DHFR2: variants seen among roughly 807,000 people sequenced by gnomAD.
The protein encoded by DHFR2 is dihydrofolate reductase 2.
DHFR2 carries 11 observed loss-of-function variants against 12.0 expected under a neutral mutation model. The observed-to-expected ratio is 0.92, with a 90% CI of 0.58 to 1.52. The LOEUF is 1.52. Ranked by LOEUF, DHFR2 falls within the 40% of genes most tolerant of loss-of-function variation. The probability of loss-of-function intolerance (pLI) is 0.00; values close to 1 mark genes in which losing one functional copy is unlikely to be tolerated. For missense variants in DHFR2, 188 were observed against 221.2 expected (o/e 0.85, Z 0.95); for synonymous variants, 87 against 79.6 (o/e 1.09, Z -0.49).
Position 94,061,543 on chromosome 3 carries a change from G to C in DHFR2, c.-32C>G, listed in dbSNP as rs1480888256. On this transcript the variant is annotated 5_prime_UTR_variant, in exon 2 of 2. Transcript: ENST00000314636. Reference sequence around the variant, plus strand: ...AGCGGTTAACACCTCCGAACTTGCTGGCTACGCCAGGAAGCCAGGCCAAGA... The same window carrying C: ...AGCGGTTAACACCTCCGAACTTGCTCGCTACGCCAGGAAGCCAGGCCAAGA... 6.2e-7 allele frequency: 1 copy of C among 1,610,672 alleles called. No individual in the cohort carries two copies. The highest frequency in any genetic ancestry group is 2.2e-5 in the East Asian group (1 of 44,824).
At chr3:94,061,629 C>T (rs2077175867) in intron 1 of DHFR2, 23 bp from the exon 2 acceptor site, 1 of 1,477,634 alleles carries the variant, frequency 6.8e-7, no homozygotes, top group South Asian at 1.4e-5. Flanking sequence ...TACAATACCA[C>T]TGTATTAATT....
upstream of DHFR2, chr3:94,062,946 C>G: frequency 1.5e-6 from 1 of 646,388 alleles, no homozygotes; most frequent in Non-Finnish European, 2.7e-6. Context: ...GGAGCTAAGC[C>G]TCTTCGACAA....
At position 94,062,828 on chromosome 3, in the gene DHFR2, C is replaced by T; in HGVS notation, c.-178G>A. 1 of 419,902 alleles carries T rather than the reference C, an allele frequency of 2.4e-6. No homozygotes were observed. Among genetic ancestry groups the T allele is most frequent in the Non-Finnish European group, 4.4e-6 (1 of 228,500 alleles). The allele number at this position is 419,902 out of a possible 1,614,324, so 26.0% of individuals were successfully genotyped here. On this transcript the variant is annotated 5_prime_UTR_variant, in exon 1 of 2. Transcript: ENST00000314636. ...TCCGGCCGCCCAAAGCTACGCCGAC[C>T]AATCCAAGTAGCGAAAGTCGCTTTG...
In DHFR2 at chr3:94,061,063, G is replaced by C; in HGVS notation, c.449C>G (p.Ser150Ter). The change falls in exon 2 of 2, where the codon TCA becomes TGA. Residue 150 changes from serine (S) to a stop codon, truncating the protein, a stop_gained. Transcript: ENST00000314636. LOFTEE classifies it high-confidence loss of function. ...TTTATATTTCTCCAAGTCAATTTCT[G>C]AAAAAAACGTGTCACTTTCAAAGTC... ...MQDFESDTFF[S>*]EIDLEKYKLL... is the part of the protein sequence containing the mutation. 3 of 1,613,758 alleles carry C rather than the reference G, an allele frequency of 1.9e-6. No individual in the cohort carries two copies. Among genetic ancestry groups the C allele is most frequent in the Non-Finnish European group, 2.5e-6 (3 of 1,179,804 alleles).
At position 94,061,280 on chromosome 3, in the gene DHFR2, T is replaced by C. The variant is rs372488392; in HGVS notation, c.232A>G (p.Arg78Gly). The C allele has an allele frequency of 6.2e-7, 1 of 1,614,022 alleles. No homozygotes were observed. The highest frequency in any genetic ancestry group is 8.5e-7 in the Non-Finnish European group (1 of 1,179,878). Residue 78 changes from arginine (R) to glycine (G), a missense_variant, in exon 2 of 2, where the codon AGA (arginine) becomes GGA (glycine). Transcript: ENST00000314636. ...CCTTGTGGAGGTTCCTTGAGTTCTC[T>C]GCTGAGAACTAAATTAATTCTATCC... ...LKDRINLVLSRELKEPPQGAH... is the reference protein window; with the variant it reads ...LKDRINLVLSGELKEPPQGAH...
In DHFR2 at chr3:94,060,644, C is replaced by A; in HGVS notation, c.*304G>T. 1 of 386,072 alleles carries A rather than the reference C, an allele frequency of 2.6e-6. No homozygotes were observed. Among genetic ancestry groups the A allele is most frequent in the Non-Finnish European group, 4.7e-6 (1 of 214,078 alleles). The allele number at this position is 386,072 out of a possible 1,614,324, so 23.9% of individuals were successfully genotyped here. On this transcript the variant is annotated 3_prime_UTR_variant, in exon 2 of 2. Transcript: ENST00000314636. ...TGTGCATCTTCATCTTTAATAAATA[C>A]TACCAACATTAGAAAAGCCTGACAA...
upstream of DHFR2, chr3:94,063,228 G>A (rs2077188542): frequency 1.6e-6 from 2 of 1,268,894 alleles, no homozygotes; most frequent in Non-Finnish European, 2.3e-6. Context: ...TGGGATGGGG[G>A]AACATCACCT....
rs869127858 is a variant in DHFR2, at chr3:94,058,722, GTTTTT to G, written c.*2221_*2225del. On this transcript the variant is annotated 3_prime_UTR_variant, in exon 2 of 2. Transcript: ENST00000314636. ...ATTGCCTAACCAACCCTTCCCCCTTGTTTTTTTTTGTTTTTTTTTTTTTTTACTTT... is the reference window on the plus strand; with the variant it reads ...ATTGCCTAACCAACCCTTCCCCCTTGTTTTGTTTTTTTTTTTTTTTACTTT... The G allele has an allele frequency of 5.2e-5, 7 of 134,872 alleles. No individual in the cohort carries two copies. Among genetic ancestry groups the G allele is most frequent in the African/African-American group, 2.0e-4 (7 of 35,196 alleles). The allele number at this position is 134,872 out of a possible 1,614,324, so 8.4% of individuals were successfully genotyped here. A position where few individuals can be genotyped will look rare whatever the true frequency, so the allele number is the denominator to read the frequency against.
Position 94,058,305 on chromosome 3 carries a change from C to CA in DHFR2, c.*2642dup, listed in dbSNP as rs1228477019. The CA allele has an allele frequency of 6.6e-6, 1 of 152,058 alleles. No individual in the cohort carries two copies. The highest frequency in any genetic ancestry group is 1.5e-5 in the Non-Finnish European group (1 of 68,014). The allele number at this position is 152,058 out of a possible 1,614,324, so 9.4% of individuals were successfully genotyped here. ...ATTTTTTTAGTTTTTCAAGTGAATA[C>CA]ATATATTAATACATGTAATCTTTAA... On this transcript the variant is annotated 3_prime_UTR_variant, in exon 2 of 2. Coordinates refer to ENST00000314636, the MANE Select transcript of DHFR2 (RefSeq NM_176815.5).
chr3:94,063,224 G>A, upstream of DHFR2: 1 of 1,317,272 alleles, frequency 7.6e-7, no homozygotes, highest in Non-Finnish European at 1.1e-6. Flanking sequence ...GTGCTGGGAT[G>A]GGGGAACATC....
At position 94,061,155 on chromosome 3, in the gene DHFR2, A is replaced by C. The variant is rs777540819; in HGVS notation, c.357T>G (p.Ser119Arg). 9.9e-6 allele frequency: 16 copies of C among 1,613,958 alleles called. No individual in the cohort carries two copies. Among genetic ancestry groups the C allele is most frequent in the Non-Finnish European group, 1.7e-6 (2 of 1,179,866 alleles). The change falls in exon 2 of 2, where the codon AGT becomes AGG. Residue 119 changes from serine (S) to arginine (R), a missense_variant. By Grantham distance (110) the Ser-to-Arg change is moderately radical (BLOSUM62 -1). Coordinates refer to ENST00000314636, the MANE Select transcript of DHFR2 (RefSeq NM_176815.5). ...GATTCATGGCTTCCTTATAAACAGAACTGCCACCAACTATCCAAATCATGT... is the reference window on the plus strand; with the variant it reads ...GATTCATGGCTTCCTTATAAACAGACCTGCCACCAACTATCCAAATCATGT... ...KVDMIWIVGG[S>R]SVYKEAMNHL...
In DHFR2 at chr3:94,060,174, A is replaced by C. The variant is rs1254742084; in HGVS notation, c.*774T>G. On this transcript the variant is annotated 3_prime_UTR_variant, in exon 2 of 2. Coordinates refer to ENST00000314636, the MANE Select transcript of DHFR2 (RefSeq NM_176815.5). Reference sequence around the variant, plus strand: ...GCAGCTTCTTTCAGCAAACACCTGGAACTTGCTATTGAGTAGGTGGAGTAC... The same window carrying C: ...GCAGCTTCTTTCAGCAAACACCTGGCACTTGCTATTGAGTAGGTGGAGTAC... 6.6e-6 allele frequency: 1 copy of C among 152,286 alleles called. No homozygotes were observed. Among genetic ancestry groups the C allele is most frequent in the African/African-American group, 2.4e-5 (1 of 41,418 alleles). 9.4% of individuals were successfully genotyped at this position (152,286 alleles called of 1,614,324 possible). A position where few individuals can be genotyped will look rare whatever the true frequency, so the allele number is the denominator to read the frequency against.
chr3:94,058,755 C>A lies in DHFR2; in HGVS notation c.*2193G>T. The stretch of plus-strand genomic sequence containing the variant: ...TTGTTTTTTTTTTTTTTTACTTTTG[C>A]TTTATCTTCAATGCACTTCTTTCCA... On this transcript the variant is annotated 3_prime_UTR_variant, in exon 2 of 2. Coordinates refer to ENST00000314636, the MANE Select transcript of DHFR2 (RefSeq NM_176815.5). 7.2e-6 allele frequency: 1 copy of A among 138,720 alleles called. No individual in the cohort carries two copies. Among genetic ancestry groups the A allele is most frequent in the Non-Finnish European group, 1.5e-5 (1 of 65,652 alleles). 8.6% of individuals were successfully genotyped at this position (138,720 alleles called of 1,614,324 possible).
rs869127858 is a variant in DHFR2, at chr3:94,058,722, GTTT to G, written c.*2223_*2225del. On this transcript the variant is annotated 3_prime_UTR_variant, in exon 2 of 2. Coordinates refer to ENST00000314636, the MANE Select transcript of DHFR2 (RefSeq NM_176815.5). ...ATTGCCTAACCAACCCTTCCCCCTT[GTTT>G]TTTTTTGTTTTTTTTTTTTTTTACT... The G allele has an allele frequency of 5.2e-5, 7 of 134,910 alleles. No individual in the cohort carries two copies. The highest frequency in any genetic ancestry group is 1.7e-4 in the African/African-American group (6 of 35,270). 8.4% of individuals were successfully genotyped at this position (134,910 alleles called of 1,614,324 possible). A position where few individuals can be genotyped will look rare whatever the true frequency, so the allele number is the denominator to read the frequency against.
In DHFR2 at chr3:94,061,609, ACATTGCAAATACAATACCACTGTATT is replaced by A; in HGVS notation, c.-95-29_-95-4del. The A allele has an allele frequency of 1.3e-6, 2 of 1,564,042 alleles. No homozygotes were observed. Among genetic ancestry groups the A allele is most frequent in the Non-Finnish European group, 1.7e-6 (2 of 1,155,876 alleles). On this transcript the variant is annotated splice_region_variant and splice_polypyrimidine_tract_variant and intron_variant, in intron 1 of 1. Transcript: ENST00000314636. Reference sequence around the variant, plus strand: ...CTTCTTCAAATTTTTTTACGTGCCTACATTGCAAATACAATACCACTGTATTAATTAATTGCAACATTCTGGAATGA... The same window carrying A: ...CTTCTTCAAATTTTTTTACGTGCCTAAATTAATTGCAACATTCTGGAATGA...
chr3:94,061,606 C>A lies in DHFR2; in HGVS notation c.-95G>T. 1 of 1,567,348 alleles carries A rather than the reference C, an allele frequency of 6.4e-7. No homozygotes were observed. Among genetic ancestry groups the A allele is most frequent in the South Asian group, 1.2e-5 (1 of 84,382 alleles). On this transcript the variant is annotated splice_region_variant and 5_prime_UTR_variant, in exon 2 of 2. Transcript: ENST00000314636. ...TCCCTTCTTCAAATTTTTTTACGTG[C>A]CTACATTGCAAATACAATACCACTG... is the stretch of plus-strand genomic sequence containing the variant.
In DHFR2 at chr3:94,060,275, T is replaced by C. The variant is rs1273814133; in HGVS notation, c.*673A>G. 1.3e-5 allele frequency: 2 copies of C among 152,534 alleles called. No homozygotes were observed. Among genetic ancestry groups the C allele is most frequent in the East Asian group, 1.9e-4 (1 of 5,184 alleles). The allele number at this position is 152,534 out of a possible 1,614,324, so 9.4% of individuals were successfully genotyped here. A position where few individuals can be genotyped will look rare whatever the true frequency, so the allele number is the denominator to read the frequency against. On this transcript the variant is annotated 3_prime_UTR_variant, in exon 2 of 2. Coordinates refer to ENST00000314636, the MANE Select transcript of DHFR2 (RefSeq NM_176815.5). The stretch of plus-strand genomic sequence containing the variant: ...AATACTCTAGCTTTCTCCCCTCCGT[T>C]TCCCTGTATCTCAGCAGTATGGAGC...
At chr3:94,063,216 G>T, upstream of DHFR2, 1 of 1,411,458 alleles carries the variant, frequency 7.1e-7, no homozygotes, top group East Asian at 2.3e-5. Context: ...GAGGGAGGGT[G>T]CTGGGATGGG....
upstream of DHFR2, chr3:94,063,161 G>C (rs776507869): frequency 2.5e-6 from 4 of 1,613,590 alleles, no homozygotes; most frequent in African/African-American, 5.3e-5. Flanking sequence ...GCCCGGCTGG[G>C]TACCTCTATC....
Sources: allele counts gnomAD v4.1 joint callset, GRCh38; gene constraint gnomAD v4.1.1; transcripts MANE v1.5; gene names NCBI Gene and HGNC (gene_info 2026-07-23, HGNC 2026-07-21).